The following RASA2 variants were observed in gnomAD, a reference collection of about 807,000 sequenced individuals.
RASA2 encodes the protein RAS p21 protein activator 2, also known as ras GTPase-activating protein 2.
Under a neutral mutation model 118.2 loss-of-function variants are expected in RASA2, and 155 were observed. That is an observed-to-expected ratio of 1.31 (90% CI 1.15 to 1.50). RASA2 has a LOEUF of 1.50. Among genes scored for constraint, RASA2 ranks in the 40% most tolerant of loss-of-function variants. The probability of loss-of-function intolerance (pLI) is 0.00; values close to 1 mark genes in which losing one functional copy is unlikely to be tolerated. For synonymous variants in RASA2, 353 were observed against 349.1 expected, an observed-to-expected ratio of 1.01 and a Z score of -0.12; for missense variants, 1,016 against 1,009.6, an observed-to-expected ratio of 1.01 and a Z score of -0.09.
At chr3:141,503,333 A>G (rs375805400) in intron 1 of RASA2, among the ~76,000 whole-genome samples, 178 of 152,222 alleles carry the variant, frequency 1.2e-3, no homozygotes, top group African/African-American at 4.1e-3. Flanking sequence ...CAGAATCTCT[A>G]CCTTTGATAG....
chr3:141,613,045 G>A lies in RASA2; in HGVS notation c.*732G>A, dbSNP rs375499740. On this transcript the variant is annotated 3_prime_UTR_variant, in exon 24 of 24. Coordinates refer to ENST00000286364, the MANE Select transcript of RASA2 (RefSeq NM_006506.5). ...TTGTTTTCATTGTTTTAAATACCAG[G>A]TACTCATTTTCTTGATTTGAAAGTT... 11 of 152,264 alleles carry A rather than the reference G, an allele frequency of 7.2e-5. No homozygotes were observed. The East Asian group carries it at 1.2e-3, about 16-fold the overall frequency. The allele number at this position is 152,264 out of a possible 1,614,324, so 9.4% of individuals were successfully genotyped here.
At chr3:141,504,117 G>A (rs2081827176) in intron 1 of RASA2, among the ~76,000 whole-genome samples, 1 of 152,170 alleles carries the variant, frequency 6.6e-6, no homozygotes, top group Admixed American at 6.6e-5. Flanking sequence ...CCTTCCTCAA[G>A]AAGTTTATAG....
At chr3:141,594,505 T>G (rs997077101) in intron 19 of RASA2, among the ~76,000 whole-genome samples, 1 of 151,674 alleles carries the variant, frequency 6.6e-6, no homozygotes, top group Non-Finnish European at 1.5e-5. Flanking sequence ...AAACCAGAGA[T>G]AAAGAGAAAA....
intron 5 of RASA2, among the ~76,000 whole-genome samples, chr3:141,551,848 A>G (rs953933547): frequency 6.6e-6 from 1 of 152,160 alleles, no homozygotes; most frequent in Non-Finnish European, 1.5e-5. Flanking sequence ...CTATATTGTA[A>G]ATGCTTTATA....
intron 4 of RASA2, among the ~76,000 whole-genome samples, chr3:141,531,150 A>G (rs1212199214): frequency 6.6e-6 from 1 of 152,076 alleles, no homozygotes; most frequent in African/African-American, 2.4e-5. Flanking sequence ...GCAGATATGA[A>G]AGTTTTAAAG....
chr3:141,550,124 G>C lies in RASA2; in HGVS notation c.528-3733G>C, dbSNP rs187598284. On this transcript the variant is annotated intron_variant, in intron 5 of 23. Transcript: ENST00000286364. The stretch of plus-strand genomic sequence containing the variant: ...ACATTGGCAAACATCACAATAATAA[G>C]TGGGTGAGGGGACAATTCAAAAAAT... Among the ~76,000 whole-genome samples, 207 of 152,282 alleles carry C rather than the reference G, an allele frequency of 1.4e-3. 1 individual carries two copies. The highest frequency in any genetic ancestry group is 4.1e-4 in the South Asian group (2 of 4,822).
rs556325438 is a variant in RASA2 at position 141,518,867 on chromosome 3, C to T, written c.355+2436C>T. Among the ~76,000 whole-genome samples the T allele has an allele frequency of 2.6e-5, 4 of 151,790 alleles. No individual in the cohort carries two copies. In the East Asian group the frequency reaches 7.7e-4, roughly 29 times the overall value. ...TACTACATTTTATTCAGATTTTTTC[C>T]TTTTCAATTAATACCATAGTGATCC... On this transcript the variant is annotated intron_variant, in intron 3 of 23. Coordinates refer to ENST00000286364, the MANE Select transcript of RASA2 (RefSeq NM_006506.5).
intron 5 of RASA2, among the ~76,000 whole-genome samples, chr3:141,550,365 C>A (rs978020985): frequency 6.6e-6 from 1 of 152,078 alleles, no homozygotes; most frequent in Non-Finnish European, 1.5e-5. Context: ...AATAACTGGC[C>A]AATACTGGCA....
Position 141,539,908 on chromosome 3 carries a change from C to T in RASA2, c.451-625C>T, listed in dbSNP as rs1240684507. Among the ~76,000 whole-genome samples the T allele has an allele frequency of 2.6e-5, 4 of 152,132 alleles. No individual in the cohort carries two copies. In the East Asian group the frequency reaches 7.7e-4, roughly 29 times the overall value. On this transcript the variant is annotated intron_variant, in intron 4 of 23. Transcript: ENST00000286364. Reference sequence around the variant, plus strand: ...AGTGTCCCATCTTTCCATCAAGACTCTTGGCCATATGTTATCTTTTGTTTA... The same window carrying T: ...AGTGTCCCATCTTTCCATCAAGACTTTTGGCCATATGTTATCTTTTGTTTA...
At position 141,582,678 on chromosome 3, in the gene RASA2, C is replaced by T. The variant is rs141820130; in HGVS notation, c.1752+1501C>T. On this transcript the variant is annotated intron_variant, in intron 17 of 23. Transcript: ENST00000286364. The stretch of plus-strand genomic sequence containing the variant: ...CTGTCTCAGATTTGGTTCTAGATCC[C>T]TAAGCTGACATAGGGTATTTTGCCC... 1.2e-4 allele frequency among the ~76,000 whole-genome samples: 18 copies of T among 152,248 alleles called. No homozygotes were observed. In the East Asian group the frequency reaches 3.1e-3, roughly 26 times the overall value.
intron 3 of RASA2, among the ~76,000 whole-genome samples, chr3:141,520,814 A>T (rs941329511): frequency 6.6e-6 from 1 of 152,166 alleles, no homozygotes; most frequent in Non-Finnish European, 1.5e-5. Context: ...TTGATTTGGA[A>T]TAGGGAGCGG....
At chr3:141,566,482 T>C (rs2082822444) in intron 9 of RASA2, among the ~76,000 whole-genome samples, 1 of 152,224 alleles carries the variant, frequency 6.6e-6, no homozygotes, top group South Asian at 2.1e-4. Context: ...GAGGAATCTA[T>C]AAAAGAGACT....
At chr3:141,578,938 A>C (rs2083056987) in intron 15 of RASA2, 4 of 152,232 alleles carry the variant, frequency 2.6e-5, no homozygotes, top group Admixed American at 2.6e-4. Flanking sequence ...GACCTTTTAT[A>C]GATGTAATGA....
intron 1 of RASA2, among the ~76,000 whole-genome samples, chr3:141,502,603 A>G (rs979712760): frequency 6.6e-6 from 1 of 152,106 alleles, no homozygotes; most frequent in African/African-American, 2.4e-5. Context: ...CCGATCCCCA[A>G]TTTCTGTATT....
chr3:141,516,820 C>T (rs981069903), intron 3 of RASA2, among the ~76,000 whole-genome samples: 4 of 150,498 alleles, frequency 2.7e-5, no homozygotes, highest in African/African-American at 9.8e-5. Flanking sequence ...ATCTCCCAGG[C>T]TGGACTGCAG....
intron 9 of RASA2, among the ~76,000 whole-genome samples, chr3:141,567,450 C>T (rs926226809): frequency 1.3e-5 from 2 of 151,976 alleles, no homozygotes; most frequent in African/African-American, 4.8e-5. Context: ...AAACATTCTA[C>T]ATTCTTAGAT....
At chr3:141,581,058 C>T (rs767612457) in intron 16 of RASA2, 42 bp from the exon 17 acceptor site, 1 of 1,454,214 alleles carries the variant, frequency 6.9e-7, no homozygotes, top group Admixed American at 3.3e-5. Flanking sequence ...ATTCTTAATT[C>T]TCTATTTAAC....
chr3:141,499,177 A>G (rs944882843), intron 1 of RASA2, among the ~76,000 whole-genome samples: 7 of 152,230 alleles, frequency 4.6e-5, no homozygotes, highest in Non-Finnish European at 1.0e-4. Context: ...GTTATTGTGC[A>G]CATGACTTCC....
Position 141,515,982 on chromosome 3 carries a change from A to G in RASA2, c.252-346A>G, listed in dbSNP as rs537765651. Among the ~76,000 whole-genome samples the G allele has an allele frequency of 5.2e-3, 748 of 144,934 alleles. 4 individuals are homozygous for G. The highest frequency in any genetic ancestry group is 0.011 in the Middle Eastern group (3 of 280). ...AACCAAACACCACATGTTCTCACTC[A>G]TAGGTGGGAACTGAACAATGAGAAC... On this transcript the variant is annotated intron_variant, in intron 2 of 23. Coordinates refer to ENST00000286364, the MANE Select transcript of RASA2 (RefSeq NM_006506.5).
Sources: allele counts gnomAD v4.1 joint callset (sites outside exome capture counted in the v4.1 genomes callset), GRCh38; gene constraint gnomAD v4.1.1; transcripts MANE v1.5; gene names NCBI Gene and HGNC (gene_info 2026-07-23, HGNC 2026-07-21).